The following ZCWPW2 variants were observed in gnomAD, a reference collection of about 807,000 sequenced individuals.
The protein encoded by ZCWPW2 is zinc finger CW-type and PWWP domain containing 2.
In ZCWPW2, 45 loss-of-function variants were observed where a neutral mutation model predicts 46.6. That is an observed-to-expected ratio of 0.96 (90% CI 0.76 to 1.24). The LOEUF is 1.24. Among genes scored for constraint, ZCWPW2 ranks in the 50% most tolerant of loss-of-function variants. The probability of loss-of-function intolerance (pLI) is 0.00; values close to 1 mark genes in which losing one functional copy is unlikely to be tolerated. For missense variants in ZCWPW2, 429 were observed against 403.9 expected (o/e 1.06, Z -0.53); for synonymous variants, 152 against 137.1 (o/e 1.11, Z -0.76).
intron 6 of ZCWPW2, among the ~76,000 whole-genome samples, chr3:28,512,272 G>C (rs2125832287): frequency 6.6e-6 from 1 of 152,110 alleles, no homozygotes; most frequent in East Asian, 1.9e-4. Context: ...CCGCCTTCAG[G>C]GTTCAAGTGA....
At chr3:28,413,942 AT>A (rs914454209) in intron 3 of ZCWPW2, among the ~76,000 whole-genome samples, 15 of 151,874 alleles carry the variant, frequency 9.9e-5, no homozygotes, top group South Asian at 4.2e-4. Context: ...TACCTAAAAT[AT>A]TTTTTTCTTT....
At chr3:28,361,533 G>A (rs1406581513) in intron 1 of ZCWPW2, among the ~76,000 whole-genome samples, 1 of 151,960 alleles carries the variant, frequency 6.6e-6, no homozygotes, top group South Asian at 2.1e-4. Flanking sequence ...AAATAAACAA[G>A]TGGGACTATA....
At chr3:28,512,174 T>TC (rs1014116380) in intron 6 of ZCWPW2, among the ~76,000 whole-genome samples, 1 of 151,808 alleles carries the variant, frequency 6.6e-6, no homozygotes, top group Non-Finnish European at 1.5e-5. Flanking sequence ...CATGAAAAAT[T>TC]CTTTTTTTTT....
intron 1 of ZCWPW2, among the ~76,000 whole-genome samples, chr3:28,368,367 C>T (rs1270195079): frequency 6.6e-6 from 1 of 152,132 alleles, no homozygotes; most frequent in Non-Finnish European, 1.5e-5. Flanking sequence ...GTGACAAAAT[C>T]TCTCAACATT....
chr3:28,478,027 CTGTA>C (rs1334795546), intron 4 of ZCWPW2, among the ~76,000 whole-genome samples: 1 of 151,916 alleles, frequency 6.6e-6, no homozygotes, highest in Non-Finnish European at 1.5e-5. Context: ...AGAAAATGTG[CTGTA>C]TCCAAGTAAA....
In ZCWPW2 at chr3:28,404,223, T is replaced by C. The variant is rs151004135; in HGVS notation, c.-13-8833T>C. 2.6e-3 allele frequency among the ~76,000 whole-genome samples: 385 copies of C among 147,668 alleles called. 1 individual carries two copies. Among genetic ancestry groups the C allele is most frequent in the African/African-American group, 8.6e-3 (349 of 40,648 alleles). On this transcript the variant is annotated intron_variant, in intron 2 of 9. Transcript: ENST00000383768. ...AACATCAAAAAGTGGCCTAAGGACA[T>C]GAATACACAATTCTCAAAAGAGATA... is the stretch of plus-strand genomic sequence containing the variant.
chr3:28,507,721 A>T (rs1261949336), intron 6 of ZCWPW2, among the ~76,000 whole-genome samples: 2 of 152,136 alleles, frequency 1.3e-5, no homozygotes, highest in Non-Finnish European at 2.9e-5. Context: ...AGGCTTGGAA[A>T]CAATATTTAT....
intron 5 of ZCWPW2, among the ~76,000 whole-genome samples, chr3:28,489,041 A>G (rs1198581253): frequency 6.6e-6 from 1 of 152,186 alleles, no homozygotes; most frequent in African/African-American, 2.4e-5. Flanking sequence ...TTTTATTGGA[A>G]GATGGTTTTT....
chr3:28,365,486 G>C lies in ZCWPW2; in HGVS notation c.-134+16283G>C, dbSNP rs1405927543. Among the ~76,000 whole-genome samples the C allele has an allele frequency of 5.0e-5, 7 of 140,768 alleles. 1 individual carries two copies. The highest frequency in any genetic ancestry group is 1.5e-4 in the Admixed American group (2 of 13,136). 92.3% of individuals were successfully genotyped at this position (140,768 alleles called of 152,430 possible). On this transcript the variant is annotated intron_variant, in intron 1 of 9. Transcript: ENST00000383768. The stretch of plus-strand genomic sequence containing the variant: ...ATGCAGCATTATTTCTGAGGGCTCT[G>C]TTCTGTTCCGTTAGTCTATATCTCC...
At chr3:28,472,117 A>G (rs1446964507) in intron 4 of ZCWPW2, among the ~76,000 whole-genome samples, 1 of 152,208 alleles carries the variant, frequency 6.6e-6, no homozygotes, top group African/African-American at 2.4e-5. Flanking sequence ...TATGGATTGT[A>G]AGAATCAATA....
intron 4 of ZCWPW2, among the ~76,000 whole-genome samples, chr3:28,473,193 A>C (rs1213484641): frequency 1.3e-5 from 2 of 152,150 alleles, no homozygotes; most frequent in African/African-American, 4.8e-5. Context: ...AACTAAAAGT[A>C]GGCTGGGTGC....
At chr3:28,436,741 C>G (rs1266433126) in intron 4 of ZCWPW2, among the ~76,000 whole-genome samples, 5 of 152,104 alleles carry the variant, frequency 3.3e-5, no homozygotes, top group African/African-American at 4.8e-5. Context: ...AGTTGTGATC[C>G]AGTCATCGTT....
chr3:28,510,133 T>C (rs1351780923), intron 6 of ZCWPW2, among the ~76,000 whole-genome samples: 1 of 152,200 alleles, frequency 6.6e-6, no homozygotes, highest in Non-Finnish European at 1.5e-5. Flanking sequence ...GAGAGTTTTT[T>C]TCTGGACTCC....
At chr3:28,395,906 AT>A (rs1695677823) in intron 2 of ZCWPW2, among the ~76,000 whole-genome samples, 1 of 152,164 alleles carries the variant, frequency 6.6e-6, no homozygotes, top group Non-Finnish European at 1.5e-5. Flanking sequence ...TTCAGAAAAA[AT>A]AATAGATAAC....
At chr3:28,354,398 A>T (rs1245843702) in intron 1 of ZCWPW2, among the ~76,000 whole-genome samples, 2 of 141,148 alleles carry the variant, frequency 1.4e-5, no homozygotes, top group African/African-American at 5.1e-5. Context: ...GACCAGACGG[A>T]TTCACAGCCA....
chr3:28,362,720 A>T (rs1181154907), intron 1 of ZCWPW2, among the ~76,000 whole-genome samples: 1 of 152,174 alleles, frequency 6.6e-6, no homozygotes, highest in Non-Finnish European at 1.5e-5. Context: ...ATCTCATTTC[A>T]TACCCGAAGA....
At chr3:28,384,547 T>C (rs1430628133) in intron 1 of ZCWPW2, among the ~76,000 whole-genome samples, 1 of 152,128 alleles carries the variant, frequency 6.6e-6, no homozygotes, top group Non-Finnish European at 1.5e-5. Flanking sequence ...GGTTTTAATT[T>C]TTCAGTGTAC....
At position 28,390,495 on chromosome 3, in the gene ZCWPW2, C is replaced by T. The variant is rs1034671489; in HGVS notation, c.-133-3C>T. 44 of 985,140 alleles carry T rather than the reference C, an allele frequency of 4.5e-5. No homozygotes were observed. Among genetic ancestry groups the T allele is most frequent in the Non-Finnish European group, 5.3e-5 (44 of 829,868 alleles). The allele number at this position is 985,140 out of a possible 1,614,324, so 61.0% of individuals were successfully genotyped here. On this transcript the variant is annotated splice_region_variant and splice_polypyrimidine_tract_variant and intron_variant, in intron 1 of 9. Transcript: ENST00000383768. Reference sequence around the variant, plus strand: ...TTGCTAGATTGATGTATAACTTCTTCAGATTCATCCCAGTAGAACGCCTGC... The same window carrying T: ...TTGCTAGATTGATGTATAACTTCTTTAGATTCATCCCAGTAGAACGCCTGC...
chr3:28,491,989 T>C, intron 5 of ZCWPW2, 138 bp from the exon 6 acceptor site: 1 of 777,814 alleles, frequency 1.3e-6, no homozygotes, highest in Non-Finnish European at 2.1e-6. Flanking sequence ...ACTAGCATAT[T>C]AATTAAAGGG....
Sources: allele counts gnomAD v4.1 joint callset (sites outside exome capture counted in the v4.1 genomes callset), GRCh38; gene constraint gnomAD v4.1.1; transcripts MANE v1.5; gene names NCBI Gene and HGNC (gene_info 2026-07-23, HGNC 2026-07-21).